The following LINGO2 variants were observed in gnomAD, a reference collection of about 807,000 sequenced individuals.
LINGO2 encodes leucine rich repeat and Ig domain containing 2, also known as leucine-rich repeat and immunoglobulin-like domain-containing nogo receptor-interacting protein 2.
A neutral mutation model predicts 30.6 loss-of-function variants in LINGO2; 14 were observed. The ratio of observed to expected loss-of-function variants is 0.46; its 90% CI spans 0.30 to 0.72. LINGO2 has a LOEUF of 0.72. Ranked by LOEUF, LINGO2 falls within the 30% of genes least tolerant of loss-of-function variation. The pLI, the probability that LINGO2 is intolerant of heterozygous loss-of-function variation, is 0.07. For missense variants in LINGO2, 729 were observed against 751.7 expected, an observed-to-expected ratio of 0.97 and a Z score of 0.35; for synonymous variants, 317 against 288.5, an observed-to-expected ratio of 1.10 and a Z score of -1.00.
intron 4 of LINGO2, among the ~76,000 whole-genome samples, chr9:28,217,838 T>C (rs1462919041): frequency 1.3e-5 from 2 of 151,906 alleles, no homozygotes; most frequent in Non-Finnish European, 2.9e-5. Context: ...AAACATAATA[T>C]GACCACAAAA....
At chr9:28,388,574 A>C (rs906924097) in intron 2 of LINGO2, among the ~76,000 whole-genome samples, 2 of 152,204 alleles carry the variant, frequency 1.3e-5, no homozygotes, top group Non-Finnish European at 2.9e-5. Flanking sequence ...CCAAAACTTC[A>C]TATTACATGA....
At chr9:27,947,520 T>C (rs890775550), downstream of LINGO2, among the ~76,000 whole-genome samples, 1 of 152,206 alleles carries the variant, frequency 6.6e-6, no homozygotes, top group East Asian at 1.9e-4. Context: ...CAAATTCCTC[T>C]TTATTATACA....
intron 1 of LINGO2, among the ~76,000 whole-genome samples, chr9:28,548,530 C>G (rs112717322): frequency 0.022 from 3,337 of 151,354 alleles, 122 homozygotes; most frequent in African/African-American, 0.076. Flanking sequence ...ATGGTGAAAC[C>G]CTGTCTCTAC....
chr9:28,071,201 G>T (rs1474193197), intron 4 of LINGO2, among the ~76,000 whole-genome samples: 1 of 152,144 alleles, frequency 6.6e-6, no homozygotes, highest in Non-Finnish European at 1.5e-5. Context: ...TTGGTGCCTT[G>T]GGGTTGAGGT....
At chr9:28,684,514 TG>T in the LINGO2 span, among the ~76,000 whole-genome samples, 1 of 147,174 alleles carries the variant, frequency 6.8e-6, no homozygotes, top group Non-Finnish European at 1.5e-5. Flanking sequence ...TTTTTTTAGA[TG>T]GAGTCTACTC....
rs76099085 is a variant in LINGO2 at position 27,995,821 on chromosome 9, T to A, written c.-36+16534A>T. On this transcript the variant is annotated intron_variant, in intron 5 of 5. Transcript: ENST00000379992. The stretch of plus-strand genomic sequence containing the variant: ...TTTGGAACAAGACAAGGATGCCCAA[T>A]TTCACCACTTATATTCAACATAGTA... Among the ~76,000 whole-genome samples, 773 of 152,234 alleles carry A rather than the reference T, an allele frequency of 5.1e-3. 4 individuals carry two copies. Among genetic ancestry groups the A allele is most frequent in the African/African-American group, 0.017 (710 of 41,552 alleles).
the LINGO2 span, among the ~76,000 whole-genome samples, chr9:29,155,960 C>A: frequency 6.6e-6 from 1 of 151,946 alleles, no homozygotes; most frequent in African/African-American, 2.4e-5. Context: ...AAAGCAGAAG[C>A]AACTGTGATT....
At chr9:29,108,959 G>C in the LINGO2 span, among the ~76,000 whole-genome samples, 1 of 152,150 alleles carries the variant, frequency 6.6e-6, no homozygotes, top group Non-Finnish European at 1.5e-5. Context: ...TTCTATCCTT[G>C]ACTTAGATGA....
intron 4 of LINGO2, among the ~76,000 whole-genome samples, chr9:28,128,880 T>C (rs1827309060): frequency 6.6e-6 from 1 of 152,084 alleles, no homozygotes; most frequent in Non-Finnish European, 1.5e-5. Context: ...TTTGAGTCAG[T>C]GGACTGGGAA....
the LINGO2 span, among the ~76,000 whole-genome samples, chr9:28,767,094 G>C: frequency 2.6e-5 from 4 of 151,290 alleles, no homozygotes; most frequent in Non-Finnish European, 5.9e-5. Flanking sequence ...AAGGTGGGGT[G>C]GGTAATGGAG....
At chr9:28,012,743 TG>T (rs1822623466) in intron 4 of LINGO2, among the ~76,000 whole-genome samples, 1 of 152,182 alleles carries the variant, frequency 6.6e-6, no homozygotes, top group South Asian at 2.1e-4. Flanking sequence ...TGCTCATAGC[TG>T]CCACCTCCCT....
At chr9:29,107,551 T>G in the LINGO2 span, among the ~76,000 whole-genome samples, 1 of 151,912 alleles carries the variant, frequency 6.6e-6, no homozygotes, top group African/African-American at 2.4e-5. Context: ...TCTTTTAAAA[T>G]TTTTTTTTCT....
At chr9:28,060,586 C>A (rs1425645812) in intron 4 of LINGO2, among the ~76,000 whole-genome samples, 1 of 152,132 alleles carries the variant, frequency 6.6e-6, no homozygotes, top group Non-Finnish European at 1.5e-5. Flanking sequence ...GACTTTAGAG[C>A]TTGAACTAAT....
the LINGO2 span, among the ~76,000 whole-genome samples, chr9:28,908,464 A>G: frequency 6.6e-6 from 1 of 152,008 alleles, no homozygotes. Context: ...CAACAATACC[A>G]TGTTGGCTGA....
chr9:29,105,484 T>C, the LINGO2 span, among the ~76,000 whole-genome samples: 6 of 152,232 alleles, frequency 3.9e-5, no homozygotes, highest in African/African-American at 1.2e-4. Context: ...CATCGAAAAG[T>C]AAAGTACCAA....
the LINGO2 span, among the ~76,000 whole-genome samples, chr9:28,816,577 C>G: frequency 1.3e-5 from 2 of 152,110 alleles, no homozygotes; most frequent in Non-Finnish European, 2.9e-5. Flanking sequence ...ATCTGAACAA[C>G]TATAATAACC....
the LINGO2 span, among the ~76,000 whole-genome samples, chr9:28,951,897 G>A: frequency 6.6e-6 from 1 of 152,198 alleles, no homozygotes; most frequent in East Asian, 1.9e-4. Context: ...GATATGAATA[G>A]ACACTTCTCA....
At chr9:28,290,660 C>A (rs551927840) in intron 4 of LINGO2, among the ~76,000 whole-genome samples, 10 of 152,264 alleles carry the variant, frequency 6.6e-5, no homozygotes, top group African/African-American at 2.4e-4. Flanking sequence ...AAAACAGGAA[C>A]TGGGGAGGGG....
chr9:28,491,050 T>G (rs575566307), intron 1 of LINGO2, among the ~76,000 whole-genome samples: 2 of 152,312 alleles, frequency 1.3e-5, no homozygotes, highest in South Asian at 2.1e-4. Context: ...GTGGTTAACT[T>G]TGGAAAAGTG....
Sources: gnomAD v4.1 joint callset for allele counts (sites outside exome capture counted in the v4.1 genomes callset) on GRCh38, gnomAD v4.1.1 for gene constraint, MANE v1.5 for transcripts, NCBI Gene and HGNC (gene_info 2026-07-23, HGNC 2026-07-21) for gene names.